Variants in DDX17 observed in about 807,000 individuals in gnomAD.
The protein encoded by DDX17 is probable ATP-dependent RNA helicase DDX17.
Under a neutral mutation model 80.8 loss-of-function variants are expected in DDX17, and 10 were observed. The ratio of observed to expected loss-of-function variants is 0.12; its 90% CI spans 0.08 to 0.21. DDX17 has a LOEUF of 0.21. DDX17 is among the 10% of genes least tolerant of loss of function. DDX17 has a pLI of 1.00. For missense variants in DDX17, 586 were observed against 957.4 expected (o/e 0.61, Z 5.12); for synonymous variants, 339 against 336.2 (o/e 1.01, Z -0.09).
At chr22:38,498,779 CT>C (rs1373248111) in intron 3 of DDX17, among the ~76,000 whole-genome samples, 1 of 152,160 alleles carries the variant, frequency 6.6e-6, no homozygotes, top group African/African-American at 2.4e-5. Flanking sequence ...AATCCCATCA[CT>C]TTGGGAGGCT....
At position 38,484,995 on chromosome 22, in the gene DDX17, G is replaced by C. The variant is rs2089640412; in HGVS notation, c.*940C>G. 6.6e-6 allele frequency: 1 copy of C among 152,202 alleles called. No individual in the cohort carries two copies. Among genetic ancestry groups the C allele is most frequent in the Non-Finnish European group, 1.5e-5 (1 of 68,036 alleles). The allele number at this position is 152,202 out of a possible 1,614,324, so 9.4% of individuals were successfully genotyped here. A position where few individuals can be genotyped will look rare whatever the true frequency, so the allele number is the denominator to read the frequency against. Reference sequence around the variant, plus strand: ...TTTGAAAATAAAATTTGCCCATTTTGAATATATTGTTTATAATTAAATGTG... The same window carrying C: ...TTTGAAAATAAAATTTGCCCATTTTCAATATATTGTTTATAATTAAATGTG... On this transcript the variant is annotated 3_prime_UTR_variant, in exon 13 of 13. Transcript: ENST00000403230.
chr22:38,492,956 A>G (rs932835628), intron 10 of DDX17, among the ~76,000 whole-genome samples: 4 of 152,190 alleles, frequency 2.6e-5, no homozygotes, highest in Non-Finnish European at 5.9e-5. Flanking sequence ...CGGTAGTTAT[A>G]TTTTTATAAT....
chr22:38,504,454 A>C (rs1186082427), intron 1 of DDX17, among the ~76,000 whole-genome samples: 1 of 152,214 alleles, frequency 6.6e-6, no homozygotes, highest in Non-Finnish European at 1.5e-5. Context: ...TATAAAGCTT[A>C]GGGAGGAATT....
In DDX17 at chr22:38,489,061, AT is replaced by A. The variant is rs1247272056; in HGVS notation, c.1448-947del. The A allele has an allele frequency of 2.8e-4, 275 of 984,238 alleles. No individual in the cohort carries two copies. Among genetic ancestry groups the A allele is most frequent in the Admixed American group, 4.9e-4 (8 of 16,256 alleles). The allele number at this position is 984,238 out of a possible 1,614,324, so 61.0% of individuals were successfully genotyped here. A position where few individuals can be genotyped will look rare whatever the true frequency, so the allele number is the denominator to read the frequency against. ...TAGTGTAATGCTTTCAGCTGAATGT[AT>A]ATTTTTACCTACTTAAACAAACAAT... On this transcript the variant is annotated intron_variant, in intron 11 of 12. Coordinates refer to ENST00000403230, the MANE Select transcript of DDX17 (RefSeq NM_006386.5). The surrounding 1 kb of genome is among the most constrained non-coding windows in gnomAD (Gnocchi z 4.6).
Position 38,499,515 on chromosome 22 carries a change from G to T in DDX17, c.439-16C>A, listed in dbSNP as rs777261089. 8.6e-5 allele frequency: 135 copies of T among 1,564,346 alleles called. No individual in the cohort carries two copies. Among genetic ancestry groups the T allele is most frequent in the South Asian group, 2.9e-4 (26 of 89,546 alleles). ...CAACCTCATACTATTGAAAAAAAAT[G>T]AAAGAAGTTAGTAAACTAGTTATTC... On this transcript the variant is annotated splice_polypyrimidine_tract_variant and intron_variant, in intron 2 of 12. Coordinates refer to ENST00000403230, the MANE Select transcript of DDX17 (RefSeq NM_006386.5).
intron 2 of DDX17, among the ~76,000 whole-genome samples, chr22:38,499,806 T>C (rs947871910): frequency 7.2e-5 from 11 of 152,164 alleles, no homozygotes; most frequent in Non-Finnish European, 1.0e-4. Context: ...TCCATTACAC[T>C]TTCTTCTGAA....
Position 38,483,528 on chromosome 22 carries a change from T to C in DDX17, c.*2407A>G, listed in dbSNP as rs2089622278. ...AATTTACAAACTAAGAATAGTAACA[T>C]AGCTTTCAGCATCCTGTGCCTGAAC... is the stretch of plus-strand genomic sequence containing the variant. On this transcript the variant is annotated 3_prime_UTR_variant, in exon 13 of 13. Coordinates refer to ENST00000403230, the MANE Select transcript of DDX17 (RefSeq NM_006386.5). 1 of 152,630 alleles carries C rather than the reference T, an allele frequency of 6.6e-6. No homozygotes were observed. Among genetic ancestry groups the C allele is most frequent in the South Asian group, 2.1e-4 (1 of 4,826 alleles). 9.5% of individuals were successfully genotyped at this position (152,630 alleles called of 1,614,324 possible). A position where few individuals can be genotyped will look rare whatever the true frequency, so the allele number is the denominator to read the frequency against.
At position 38,506,128 on chromosome 22, in the gene DDX17, C is replaced by A. The variant is rs2089881520; in HGVS notation, c.110G>T (p.Ser37Ile). 3.2e-6 allele frequency: 5 copies of A among 1,578,380 alleles called. No individual in the cohort carries two copies. The highest frequency in any genetic ancestry group is 4.3e-6 in the Non-Finnish European group (5 of 1,163,374). ...TGTTGGGGCGGCGGCAGGCGCAGCG[C>A]TCTCTCGCTCCGACGCGCTGTCTCC... is the stretch of plus-strand genomic sequence containing the variant. Residue 37 changes from serine (S) to isoleucine (I), a missense_variant, in exon 1 of 13, where the codon AGC becomes ATC. Ser to Ile is a moderately radical substitution (Grantham distance 142). Transcript: ENST00000403230.
At chr22:38,495,427 A>T (rs1410470518) in intron 6 of DDX17, among the ~76,000 whole-genome samples, 1 of 152,024 alleles carries the variant, frequency 6.6e-6, no homozygotes, top group Admixed American at 6.6e-5. Flanking sequence ...TCGTATTTTT[A>T]GTAGAGACGG....
At chr22:38,499,256 C>G (rs750391684) in intron 3 of DDX17, 144 bp downstream of exon 3, 6 of 628,820 alleles carry the variant, frequency 9.5e-6, no homozygotes, top group African/African-American at 3.7e-5. Flanking sequence ...AGTCTAAATA[C>G]TAGAACAGAA....
chr22:38,498,030 T>C (rs1569141356), intron 5 of DDX17, 55 bp downstream of exon 5: 12 of 1,539,742 alleles, frequency 7.8e-6, no homozygotes, highest in South Asian at 5.6e-5. Flanking sequence ...CAAGCCTAAA[T>C]AGTCGCTAAA....
rs1342891142 is a variant in DDX17, at chr22:38,487,933, T to C, written c.1630A>G (p.Ile544Val). 7 of 1,614,244 alleles carry C rather than the reference T, an allele frequency of 4.3e-6. No individual in the cohort carries two copies. The highest frequency in any genetic ancestry group is 2.2e-5 in the East Asian group (1 of 44,890). ...ACAAGCTGCATCAGTTTTGGATTGA[T>C]AGCCTGATTGGCCTCTTCCAGCACT... Residue 544 changes from isoleucine (I) to valine (V), a missense_variant, in exon 12 of 13, where the codon ATC becomes GTC. This residue lies in a region of DDX17 where 221 missense variants were observed against 261.4 expected (regional missense o/e 0.85). Coordinates refer to ENST00000403230, the MANE Select transcript of DDX17 (RefSeq NM_006386.5).
Position 38,506,238 on chromosome 22 carries a change from G to A in DDX17, c.-1C>T, listed in dbSNP as rs753604497. 26 of 1,601,466 alleles carry A rather than the reference G, an allele frequency of 1.6e-5. No homozygotes were observed. The highest frequency in any genetic ancestry group is 2.0e-5 in the Non-Finnish European group (23 of 1,174,978). The stretch of plus-strand genomic sequence containing the variant: ...TCGGGGCTACAAAGCCGGTGGGCAG[G>A]TTTGGCTACGCTCAAACCGGGCAGT... On this transcript the variant is annotated 5_prime_UTR_variant, in exon 1 of 13. Coordinates refer to ENST00000403230, the MANE Select transcript of DDX17 (RefSeq NM_006386.5).
intron 10 of DDX17, among the ~76,000 whole-genome samples, chr22:38,493,051 T>C (rs1203382418): frequency 6.6e-6 from 1 of 152,210 alleles, no homozygotes; most frequent in African/African-American, 2.4e-5. Flanking sequence ...ATCGTGGCCC[T>C]TAAAGAACCA....
intron 12 of DDX17, among the ~76,000 whole-genome samples, chr22:38,487,287 G>A (rs1028244277): frequency 1.3e-5 from 2 of 151,366 alleles, no homozygotes; most frequent in African/African-American, 4.9e-5. Flanking sequence ...CAGAGGTCAG[G>A]AGTTCGAGAC....
intron 8 of DDX17, 85 bp downstream of exon 8, chr22:38,494,545 T>C (rs1261036093): frequency 1.6e-6 from 2 of 1,288,016 alleles, no homozygotes; most frequent in South Asian, 2.8e-5. Flanking sequence ...CCTCAAAATA[T>C]ACTGGTTTCT....
rs1395449088 is a variant in DDX17 at position 38,485,054 on chromosome 22, T to A, written c.*881A>T. 6.6e-6 allele frequency: 1 copy of A among 152,228 alleles called. No individual in the cohort carries two copies. The highest frequency in any genetic ancestry group is 2.4e-5 in the African/African-American group (1 of 41,468). 9.4% of individuals were successfully genotyped at this position (152,228 alleles called of 1,614,324 possible). On this transcript the variant is annotated 3_prime_UTR_variant, in exon 13 of 13. Coordinates refer to ENST00000403230, the MANE Select transcript of DDX17 (RefSeq NM_006386.5). ...ACTGCAGGTCAATATAAAAACTGGTTAGTAAATTTCCAGCGAGCATTTATG... is the reference window on the plus strand; with the variant it reads ...ACTGCAGGTCAATATAAAAACTGGTAAGTAAATTTCCAGCGAGCATTTATG...
At position 38,486,196 on chromosome 22, in the gene DDX17, A is replaced by G; in HGVS notation, c.1929T>C (p.Ala643=). The G allele has an allele frequency of 1.9e-6, 3 of 1,614,050 alleles. No individual in the cohort carries two copies. The highest frequency in any genetic ancestry group is 2.5e-6 in the Non-Finnish European group (3 of 1,179,870). ...CTGTATAGCTACTGGTGCCATAAGC[A>G]GCTGCCCCATAGGTGCCTTGACCAT... Residue 643 remains alanine (A), a synonymous_variant, in exon 13 of 13, where the codon GCT becomes GCC. Transcript: ENST00000403230.
chr22:38,494,557 C>CA, intron 8 of DDX17, 73 bp downstream of exon 8: 1 of 1,421,152 alleles, frequency 7.0e-7, no homozygotes, highest in South Asian at 1.3e-5. Flanking sequence ...CTGGTTTCTA[C>CA]AGTACTAATT....
Sources: allele counts gnomAD v4.1 joint callset (sites outside exome capture counted in the v4.1 genomes callset), GRCh38; gene constraint gnomAD v4.1.1; regional missense constraint gnomAD v4.1.1; non-coding constraint Gnocchi (gnomAD v3.1); transcripts MANE v1.5; gene names NCBI Gene and HGNC (gene_info 2026-07-23, HGNC 2026-07-21).